The following SLIT3 variants were observed in gnomAD, a reference collection of about 807,000 sequenced individuals.
SLIT3 encodes the protein slit guidance ligand 3.
In SLIT3, 68 loss-of-function variants were observed where a neutral mutation model predicts 184.0. The observed-to-expected ratio is 0.37, with a 90% confidence interval of 0.30 to 0.45. SLIT3 has a LOEUF of 0.45. Ranked by LOEUF, SLIT3 falls within the 20% of genes least tolerant of loss-of-function variation. The pLI is 1.00. For missense variants in SLIT3, 1,707 were observed against 2,026.0 expected, an observed-to-expected ratio of 0.84 and a Z score of 3.02; for synonymous variants, 831 against 828.6, an observed-to-expected ratio of 1.00 and a Z score of -0.05.
intron 4 of SLIT3, among the ~76,000 whole-genome samples, chr5:169,185,648 G>C (rs1763307364): frequency 6.6e-6 from 1 of 152,136 alleles, no homozygotes; most frequent in African/African-American, 2.4e-5. Flanking sequence ...TTAAAGTTTA[G>C]TGCCGAATTG....
At chr5:169,003,447 C>T (rs938760199) in intron 4 of SLIT3, among the ~76,000 whole-genome samples, 3 of 152,198 alleles carry the variant, frequency 2.0e-5, no homozygotes, top group African/African-American at 7.2e-5. Flanking sequence ...ACGTCTCCTC[C>T]GATACCCTAG....
At chr5:169,139,342 A>G (rs949175967) in intron 4 of SLIT3, among the ~76,000 whole-genome samples, 1 of 152,220 alleles carries the variant, frequency 6.6e-6, no homozygotes, top group Non-Finnish European at 1.5e-5. Context: ...ACAAAATGGA[A>G]TATTTATTGA....
At chr5:168,972,337 A>ATTGTGTGTGTGTGTGTGTGTG (rs370210394) in intron 4 of SLIT3, among the ~76,000 whole-genome samples, 1 of 118,250 alleles carries the variant, frequency 8.5e-6, no homozygotes, top group Non-Finnish European at 1.7e-5. Flanking sequence ...GCAGGACAAC[A>ATTGTGTGTGTGTGTGTGTGTG]TGTGTGTGTG....
chr5:168,970,793 C>T (rs62377244), intron 4 of SLIT3, among the ~76,000 whole-genome samples: 15 of 152,284 alleles, frequency 9.9e-5, no homozygotes, highest in African/African-American at 3.6e-4. Context: ...TCATCACTTC[C>T]TGGCTATGTT....
intron 8 of SLIT3, among the ~76,000 whole-genome samples, chr5:168,812,177 A>G (rs1299802226): frequency 6.6e-6 from 1 of 152,174 alleles, no homozygotes; most frequent in Non-Finnish European, 1.5e-5. Context: ...TAGAAAGGAG[A>G]ATGGTGCTTA....
chr5:169,166,029 A>G (rs1762627343), intron 4 of SLIT3, among the ~76,000 whole-genome samples: 1 of 152,346 alleles, frequency 6.6e-6, no homozygotes, highest in Non-Finnish European at 1.5e-5. Context: ...ACATAAAGAA[A>G]CAGAAACAGG....
At chr5:168,993,305 C>T (rs910697817) in intron 4 of SLIT3, among the ~76,000 whole-genome samples, 4 of 152,320 alleles carry the variant, frequency 2.6e-5, no homozygotes, top group East Asian at 1.9e-4. Context: ...AGGGGGGCTC[C>T]GGGTCCGGAG....
intron 5 of SLIT3, among the ~76,000 whole-genome samples, chr5:168,847,590 AAAAC>A (rs1373954756): frequency 6.6e-6 from 1 of 152,226 alleles, no homozygotes; most frequent in African/African-American, 2.4e-5. Context: ...CTAGGTCTCT[AAAAC>A]AAAGTAAATA....
At chr5:169,137,855 G>A (rs1420595415) in intron 4 of SLIT3, among the ~76,000 whole-genome samples, 1 of 152,114 alleles carries the variant, frequency 6.6e-6, no homozygotes, top group Non-Finnish European at 1.5e-5. Flanking sequence ...CTAGAGTCTG[G>A]TCTTGACCTG....
At chr5:169,111,340 G>T (rs912755834) in intron 4 of SLIT3, among the ~76,000 whole-genome samples, 10 of 152,216 alleles carry the variant, frequency 6.6e-5, no homozygotes, top group African/African-American at 2.4e-4. Flanking sequence ...TTCTGTAAAT[G>T]ATAAGCTGTG....
At chr5:168,893,464 T>A (rs1760544770) in intron 4 of SLIT3, among the ~76,000 whole-genome samples, 1 of 152,084 alleles carries the variant, frequency 6.6e-6, no homozygotes, top group South Asian at 2.1e-4. Context: ...GCATGTCTAA[T>A]GCTGGCTGGA....
intron 4 of SLIT3, among the ~76,000 whole-genome samples, chr5:169,042,781 G>C (rs1233699960): frequency 6.6e-6 from 1 of 152,178 alleles, no homozygotes; most frequent in Admixed American, 6.5e-5. Flanking sequence ...AGATGAGGGT[G>C]CTGGGCTTGG....
At chr5:168,750,103 C>A (rs1581036373) in intron 18 of SLIT3, among the ~76,000 whole-genome samples, 2 of 152,142 alleles carry the variant, frequency 1.3e-5, no homozygotes, top group East Asian at 1.9e-4. Flanking sequence ...CCCATAGCAC[C>A]CATGGGAGTG....
At chr5:169,147,984 A>G (rs966964775) in intron 4 of SLIT3, among the ~76,000 whole-genome samples, 2 of 152,082 alleles carry the variant, frequency 1.3e-5, no homozygotes, top group Non-Finnish European at 2.9e-5. Context: ...TTTCTTAGAG[A>G]AAGATTCCAA....
chr5:168,799,878 G>C (rs958715822), intron 9 of SLIT3, among the ~76,000 whole-genome samples: 5 of 152,278 alleles, frequency 3.3e-5, no homozygotes, highest in African/African-American at 1.2e-4. Flanking sequence ...ATTTTCCTAA[G>C]GTCAGGTAGC....
At chr5:168,935,457 T>C (rs970960690) in intron 4 of SLIT3, among the ~76,000 whole-genome samples, 2 of 152,180 alleles carry the variant, frequency 1.3e-5, no homozygotes, top group African/African-American at 4.8e-5. Context: ...AACCAGAGAG[T>C]ACCTTCCTCA....
At chr5:168,995,999 A>G (rs1755495799) in intron 4 of SLIT3, among the ~76,000 whole-genome samples, 1 of 152,138 alleles carries the variant, frequency 6.6e-6, no homozygotes, top group African/African-American at 2.4e-5. Flanking sequence ...ACCCCAGGAC[A>G]TTCAGTTGGT....
chr5:169,123,746 G>A (rs901591701), intron 4 of SLIT3, among the ~76,000 whole-genome samples: 1 of 152,178 alleles, frequency 6.6e-6, no homozygotes. Context: ...CACAATCAAA[G>A]CAATGGCTAC....
intron 35 of SLIT3, 172 bp from the exon 36 acceptor site, chr5:168,666,861 T>G (rs1761071523): frequency 1.0e-5 from 11 of 1,051,052 alleles, no homozygotes; most frequent in Middle Eastern, 2.0e-4. Context: ...TACAAACAGG[T>G]GCCTTTCCTG....
Sources: allele counts gnomAD v4.1 joint callset (sites outside exome capture counted in the v4.1 genomes callset), GRCh38; gene constraint gnomAD v4.1.1; transcripts MANE v1.5; gene names NCBI Gene and HGNC (gene_info 2026-07-23, HGNC 2026-07-21).